The following EGFR variants were observed in gnomAD, a reference collection of about 807,000 sequenced individuals.
The protein encoded by EGFR is avian erythroblastic leukemia viral (v-erb-b) oncogene homolog.
Under a neutral mutation model 143.0 loss-of-function variants are expected in EGFR, and 58 were observed. The ratio of observed to expected loss-of-function variants is 0.41; its 90% confidence interval spans 0.33 to 0.50. The LOEUF is 0.50. Ranked by LOEUF, EGFR falls within the 20% of genes least tolerant of loss-of-function variation. The pLI is 0.39. For missense variants in EGFR, 1,307 were observed against 1,579.0 expected, an observed-to-expected ratio of 0.83 and a Z score of 2.92; for synonymous variants, 613 against 594.4, an observed-to-expected ratio of 1.03 and a Z score of -0.45.
intron 1 of EGFR, among the ~76,000 whole-genome samples, chr7:55,132,306 C>T (rs1049980949): frequency 2.6e-5 from 4 of 152,152 alleles, no homozygotes; most frequent in African/African-American, 9.7e-5. Context: ...ATTTTTGAGT[C>T]AGAGATCTTT....
At chr7:55,059,897 AC>A (rs1480466195) in intron 1 of EGFR, among the ~76,000 whole-genome samples, 5 of 151,988 alleles carry the variant, frequency 3.3e-5, no homozygotes, top group Non-Finnish European at 7.4e-5. Context: ...ACATGTTCTG[AC>A]CCAGATAAGG....
At position 55,192,746 on chromosome 7, in the gene EGFR, T is replaced by G. The variant is rs759852328; in HGVS notation, c.2626-20T>G. The stretch of plus-strand genomic sequence containing the variant: ...GGAAACTAATAGTTGTCTCACTGCC[T>G]CATCTCTCACCATCCCAAGGTGCCT... On this transcript the variant is annotated intron_variant, in intron 21 of 27. Coordinates refer to ENST00000275493, the MANE Select transcript of EGFR (RefSeq NM_005228.5). 1.9e-6 allele frequency: 3 copies of G among 1,610,796 alleles called. No individual in the cohort carries two copies. The South Asian group carries it at 3.3e-5, about 18-fold the overall frequency.
At chr7:55,156,256 T>C (rs1479764159) in intron 8 of EGFR, among the ~76,000 whole-genome samples, 3 of 152,054 alleles carry the variant, frequency 2.0e-5, no homozygotes, top group African/African-American at 7.2e-5. Flanking sequence ...AAGCGGCCCA[T>C]GGGAAATAAT....
chr7:55,071,565 A>C (rs548736262), intron 1 of EGFR, among the ~76,000 whole-genome samples: 83 of 152,298 alleles, frequency 5.4e-4, no homozygotes, highest in Middle Eastern at 3.4e-3. Context: ...GTGATCCATC[A>C]TGTTCTCTGT....
intron 1 of EGFR, among the ~76,000 whole-genome samples, chr7:55,090,061 C>T (rs1170359243): frequency 3.9e-5 from 6 of 152,012 alleles, no homozygotes; most frequent in Non-Finnish European, 7.4e-5. Context: ...CTCTGCCTCC[C>T]GGGTTCAAGT....
intron 1 of EGFR, among the ~76,000 whole-genome samples, chr7:55,105,479 T>A (rs1792075671): frequency 6.6e-6 from 1 of 152,212 alleles, no homozygotes; most frequent in Non-Finnish European, 1.5e-5. Flanking sequence ...TAAAACAGAG[T>A]CTTTCATGAT....
Position 55,205,372 on chromosome 7 carries a change from A to C in EGFR, c.3388A>C (p.Ser1130Arg). The C allele has an allele frequency of 6.2e-7, 1 of 1,613,880 alleles. No individual in the cohort carries two copies. Among genetic ancestry groups the C allele is most frequent in the Non-Finnish European group, 8.5e-7 (1 of 1,179,822 alleles). Reference protein sequence around the residue: ...SRDPHYQDPHSTAVGNPEYLN... With the variant: ...SRDPHYQDPHRTAVGNPEYLN... ...AGACCCACACTACCAGGACCCCCAC[A>C]GCACTGCAGTGGGCAACCCCGAGTA... The change falls in exon 28 of 28, where the codon AGC becomes CGC. Residue 1130 changes from serine (S) to arginine (R), a missense_variant. By Grantham distance (110) the Ser-to-Arg change is moderately radical. Around this residue, in one of 7 missense-constraint regions of EGFR, gnomAD observed 313 missense variants for 312.3 expected, o/e 1.00. Coordinates refer to ENST00000275493, the MANE Select transcript of EGFR (RefSeq NM_005228.5).
intron 1 of EGFR, among the ~76,000 whole-genome samples, chr7:55,125,629 A>C (rs1296792234): frequency 6.6e-6 from 1 of 152,252 alleles, no homozygotes. Flanking sequence ...AGATTCACAC[A>C]TACTAGCTGT....
intron 1 of EGFR, among the ~76,000 whole-genome samples, chr7:55,087,292 A>T (rs141044113): frequency 2.0e-5 from 3 of 151,770 alleles, no homozygotes; most frequent in African/African-American, 7.2e-5. Context: ...AACAAAAAAA[A>T]AAAAACCTGT....
chr7:55,179,460 G>T (rs904813595), intron 19 of EGFR, among the ~76,000 whole-genome samples: 1 of 152,214 alleles, frequency 6.6e-6, no homozygotes, highest in East Asian at 1.9e-4. Context: ...CTGAGAAAGA[G>T]TCTGCTAAGG....
Position 55,095,760 on chromosome 7 carries a change from GCA to G in EGFR, c.89-46519_89-46518del, listed in dbSNP as rs1791426858. Among the ~76,000 whole-genome samples the G allele has an allele frequency of 7.6e-5, 11 of 144,896 alleles. No homozygotes were observed. The South Asian group carries it at 1.1e-3, about 15-fold the overall frequency. ...CACACACAGACATACGCACAGATGG[GCA>G]CACACAGAGACACACTCACAGAGAC... On this transcript the variant is annotated intron_variant, in intron 1 of 27. Transcript: ENST00000275493.
chr7:55,037,814 C>T (rs1274926810), intron 1 of EGFR, among the ~76,000 whole-genome samples: 2 of 152,186 alleles, frequency 1.3e-5, no homozygotes, highest in Non-Finnish European at 2.9e-5. Context: ...ATTCTGACTT[C>T]TTTTTTTCTG....
chr7:55,114,629 A>T (rs1044534238), intron 1 of EGFR, among the ~76,000 whole-genome samples: 47 of 152,242 alleles, frequency 3.1e-4, no homozygotes, highest in Non-Finnish European at 5.1e-4. Context: ...TACTATTTTT[A>T]AAAAAATCTG....
intron 1 of EGFR, among the ~76,000 whole-genome samples, chr7:55,106,193 A>G (rs1792118552): frequency 6.6e-6 from 1 of 152,214 alleles, no homozygotes; most frequent in African/African-American, 2.4e-5. Context: ...GGCAGTGCTG[A>G]TAGTACAGTG....
chr7:55,163,612 G>A (rs550973986), intron 13 of EGFR, 121 bp from the exon 14 acceptor site: 6 of 798,312 alleles, frequency 7.5e-6, no homozygotes, highest in South Asian at 1.4e-5. Context: ...TTACTATATA[G>A]TCCTGGAGTC....
intron 1 of EGFR, among the ~76,000 whole-genome samples, chr7:55,034,298 ACCT>A (rs908042411): frequency 6.6e-6 from 1 of 152,020 alleles, no homozygotes; most frequent in Non-Finnish European, 1.5e-5. Context: ...CAGTGGCCCG[ACCT>A]CGGCTCACTG....
intron 1 of EGFR, among the ~76,000 whole-genome samples, chr7:55,139,109 G>A (rs1395090267): frequency 1.3e-5 from 2 of 152,172 alleles, no homozygotes; most frequent in African/African-American, 4.8e-5. Context: ...TGGTGATTAA[G>A]TTTCCAATAA....
At chr7:55,153,870 T>C (rs564778441) in intron 6 of EGFR, 141 bp from the exon 7 acceptor site, 4 of 1,341,098 alleles carry the variant, frequency 3.0e-6, no homozygotes, top group Non-Finnish European at 4.2e-6. Flanking sequence ...CAGCTGGGTT[T>C]TCCCACACTA....
At chr7:55,120,827 A>T (rs1793158583) in intron 1 of EGFR, among the ~76,000 whole-genome samples, 2 of 152,230 alleles carry the variant, frequency 1.3e-5, no homozygotes, top group Non-Finnish European at 2.9e-5. Context: ...CTACAGTTAT[A>T]AAGACATTGT....
Sources: gnomAD v4.1 joint callset for allele counts (sites outside exome capture counted in the v4.1 genomes callset) on GRCh38, gnomAD v4.1.1 for gene constraint, gnomAD v4.1.1 regional missense constraint, MANE v1.5 for transcripts, NCBI Gene and HGNC (gene_info 2026-07-23, HGNC 2026-07-21) for gene names.